Variants in ATXN7L1 observed in about 807,000 individuals in gnomAD.
The protein encoded by ATXN7L1 is ataxin 7 like 1.
In ATXN7L1, 15 loss-of-function variants were observed where a neutral mutation model predicts 70.8. The observed-to-expected ratio is 0.21, with a 90% confidence interval of 0.14 to 0.33. The LOEUF is 0.33. Ranked by LOEUF, ATXN7L1 falls within the 10% of genes least tolerant of loss-of-function variation. The pLI is 1.00. For synonymous variants in ATXN7L1, 440 were observed against 445.1 expected (o/e 0.99, Z 0.14); for missense variants, 975 against 1,097.1 (o/e 0.89, Z 1.57).
chr7:105,791,506 T>G (rs530575204), intron 2 of ATXN7L1, among the ~76,000 whole-genome samples: 30 of 152,222 alleles, frequency 2.0e-4, no homozygotes, highest in Admixed American at 2.6e-4. Context: ...ATGACCCTTC[T>G]TGGGCCTTAA....
chr7:105,697,927 G>A (rs1269926610), intron 3 of ATXN7L1, among the ~76,000 whole-genome samples: 3 of 152,162 alleles, frequency 2.0e-5, no homozygotes, highest in Non-Finnish European at 4.4e-5. Flanking sequence ...GAAGGCAGCT[G>A]CCTGACTCCA....
Position 105,614,187 on chromosome 7 carries a change from G to C in ATXN7L1, c.2147C>G (p.Pro716Arg). Reference protein sequence around the residue: ...GVSPLSAKLEPSGRTSLPGGP... With the variant: ...GVSPLSAKLERSGRTSLPGGP... The stretch of plus-strand genomic sequence containing the variant: ...GCCGGGCAGCGAGGTCCGTCCTGAG[G>C]GCTCCAGTTTGGCACTGAGTGGGCT... Residue 716 changes from proline (P) to arginine (R), a missense_variant, in exon 10 of 12, where the codon CCC becomes CGC. Coordinates refer to ENST00000419735, the MANE Select transcript of ATXN7L1 (RefSeq NM_020725.2). This position sits in a 1 kb window ranked among gnomAD's most constrained non-coding sequence, Gnocchi z 4.3. The C allele has an allele frequency of 6.4e-7, 1 of 1,551,710 alleles. No individual in the cohort carries two copies. Among genetic ancestry groups the C allele is most frequent in the Non-Finnish European group, 8.7e-7 (1 of 1,147,002 alleles).
intron 3 of ATXN7L1, among the ~76,000 whole-genome samples, chr7:105,693,180 G>A (rs1791239299): frequency 6.6e-6 from 1 of 151,990 alleles, no homozygotes; most frequent in South Asian, 2.1e-4. Context: ...GGACGTAAGA[G>A]TGAGAAATTT....
intron 2 of ATXN7L1, among the ~76,000 whole-genome samples, chr7:105,793,545 G>A (rs527268456): frequency 5.3e-5 from 8 of 152,300 alleles, no homozygotes; most frequent in African/African-American, 1.9e-4. Context: ...CTTCATGTGT[G>A]TGTATGTGCA....
intron 4 of ATXN7L1, among the ~76,000 whole-genome samples, chr7:105,657,498 A>G (rs1231249105): frequency 6.6e-6 from 1 of 151,778 alleles, no homozygotes; most frequent in Admixed American, 6.6e-5. Context: ...GGATCCCTTG[A>G]GCTCAGGAAT....
intron 2 of ATXN7L1, among the ~76,000 whole-genome samples, chr7:105,867,949 A>C (rs1585194092): frequency 6.6e-6 from 1 of 152,220 alleles, no homozygotes; most frequent in Non-Finnish European, 1.5e-5. Context: ...CAGCGCCCCC[A>C]AAAAGAAGCA....
intron 2 of ATXN7L1, among the ~76,000 whole-genome samples, chr7:105,837,187 C>T (rs1690811719): frequency 6.6e-6 from 1 of 152,224 alleles, no homozygotes; most frequent in Non-Finnish European, 1.5e-5. Context: ...GAGGGGTCCA[C>T]CCCCATGACA....
rs1249293360 is a variant in ATXN7L1, at chr7:105,818,351, T to C, written c.251-29643A>G. Among the ~76,000 whole-genome samples the C allele has an allele frequency of 2.6e-5, 4 of 152,166 alleles. No homozygotes were observed. In the East Asian group the frequency reaches 7.7e-4, roughly 29 times the overall value. ...CGCCCCAGCTAATTTTTGTATTTTT[T>C]GTAGGGATGGGGTTTTGCCATGCTG... On this transcript the variant is annotated intron_variant, in intron 2 of 11. Coordinates refer to ENST00000419735, the MANE Select transcript of ATXN7L1 (RefSeq NM_020725.2).
Position 105,788,813 on chromosome 7 carries a change from C to A in ATXN7L1, c.251-105G>T, listed in dbSNP as rs1804700647. 13 of 900,700 alleles carry A rather than the reference C, an allele frequency of 1.4e-5. No homozygotes were observed. The South Asian group carries it at 1.9e-4, about 13-fold the overall frequency. 55.8% of individuals were successfully genotyped at this position (900,700 alleles called of 1,614,324 possible). A position where few individuals can be genotyped will look rare whatever the true frequency, so the allele number is the denominator to read the frequency against. ...TTCAAGGACAGTTTTTCAAACACAACACGCAGAAAGGCAATAATCTTTACT... is the reference window on the plus strand; with the variant it reads ...TTCAAGGACAGTTTTTCAAACACAAAACGCAGAAAGGCAATAATCTTTACT... On this transcript the variant is annotated intron_variant, in intron 2 of 11. Transcript: ENST00000419735.
chr7:105,808,782 G>A (rs1428262844), intron 2 of ATXN7L1, among the ~76,000 whole-genome samples: 1 of 152,206 alleles, frequency 6.6e-6, no homozygotes, highest in Non-Finnish European at 1.5e-5. Context: ...TCCAGGTGGG[G>A]ATAGAGCCCT....
In ATXN7L1 at chr7:105,693,534, CCCATCCATCCAT is replaced by C. The variant is rs36181010; in HGVS notation, c.356-28258_356-28247del. ...TGCTGGGTGGACTTAAATCTAATGCCCCATCCATCCATCCATCCATCCATCCATCCATCCATC... is the reference window on the plus strand; with the variant it reads ...TGCTGGGTGGACTTAAATCTAATGCCCCATCCATCCATCCATCCATCCATC... On this transcript the variant is annotated intron_variant, in intron 3 of 11. Transcript: ENST00000419735. Among the ~76,000 whole-genome samples the C allele has an allele frequency of 2.3e-3, 320 of 139,674 alleles. 1 individual carries two copies. The highest frequency in any genetic ancestry group is 7.6e-3 in the African/African-American group (283 of 37,302). The allele number at this position is 139,674 out of a possible 152,430, so 91.6% of individuals were successfully genotyped here.
intron 2 of ATXN7L1, among the ~76,000 whole-genome samples, chr7:105,847,727 G>A (rs76258061): frequency 0.017 from 2,640 of 152,226 alleles, 42 homozygotes; most frequent in East Asian, 0.066. Flanking sequence ...CAGTTTACTC[G>A]GCTCTTTGCA....
chr7:105,737,111 G>C (rs1439995059), intron 3 of ATXN7L1, among the ~76,000 whole-genome samples: 1 of 152,192 alleles, frequency 6.6e-6, no homozygotes, highest in African/African-American at 2.4e-5. Context: ...TGTATTTTAT[G>C]ATTATTGGTC....
chr7:105,727,708 C>A (rs1795977318), intron 3 of ATXN7L1, among the ~76,000 whole-genome samples: 1 of 110,046 alleles, frequency 9.1e-6, no homozygotes, highest in Non-Finnish European at 1.8e-5. Flanking sequence ...TACAGGAATA[C>A]TAGATATTTT....
At chr7:105,650,609 G>C (rs966167984) in intron 4 of ATXN7L1, among the ~76,000 whole-genome samples, 2 of 152,216 alleles carry the variant, frequency 1.3e-5, no homozygotes, top group African/African-American at 4.8e-5. Flanking sequence ...GGTTAGCAGG[G>C]CTCAATTTCA....
intron 3 of ATXN7L1, among the ~76,000 whole-genome samples, chr7:105,719,596 G>A (rs541349731): frequency 1.3e-5 from 2 of 152,292 alleles, no homozygotes; most frequent in South Asian, 2.1e-4. Flanking sequence ...AGGAGCCAGC[G>A]CAGAGAATGA....
At chr7:105,717,107 A>G (rs1186768466) in intron 3 of ATXN7L1, among the ~76,000 whole-genome samples, 6 of 152,104 alleles carry the variant, frequency 3.9e-5, no homozygotes, top group South Asian at 4.1e-4. Flanking sequence ...TTTTCACATT[A>G]TAAACATTTT....
chr7:105,639,166 T>TGCC (rs1797811105), intron 6 of ATXN7L1, among the ~76,000 whole-genome samples: 1 of 150,926 alleles, frequency 6.6e-6, no homozygotes, highest in Admixed American at 6.6e-5. Context: ...CCGCCGCCGC[T>TGCC]GCCGCTGCTC....
At chr7:105,834,146 A>G (rs1812032630) in intron 2 of ATXN7L1, among the ~76,000 whole-genome samples, 1 of 152,138 alleles carries the variant, frequency 6.6e-6, no homozygotes, top group Non-Finnish European at 1.5e-5. Flanking sequence ...AGGTTCAAGC[A>G]ATTCTCCTGC....
Sources: allele counts gnomAD v4.1 joint callset (sites outside exome capture counted in the v4.1 genomes callset), GRCh38; gene constraint gnomAD v4.1.1; non-coding constraint Gnocchi (gnomAD v3.1); transcripts MANE v1.5; gene names NCBI Gene and HGNC (gene_info 2026-07-23, HGNC 2026-07-21).